ADAMTSL1: variants seen among roughly 807,000 people sequenced by gnomAD.
ADAMTSL1 encodes the protein ADAMTS-like protein 1.
In ADAMTSL1, 126 loss-of-function variants were observed where a neutral mutation model predicts 201.8. The ratio of observed to expected loss-of-function variants is 0.62; its 90% confidence interval spans 0.54 to 0.72. The LOEUF is 0.72. ADAMTSL1 is among the 30% of genes least tolerant of loss of function. ADAMTSL1 has a pLI of 0.00. For missense variants in ADAMTSL1, 2,679 were observed against 2,277.8 expected, an observed-to-expected ratio of 1.18 and a Z score of -3.59; for synonymous variants, 1,121 against 903.4, an observed-to-expected ratio of 1.24 and a Z score of -4.32.
intron 2 of ADAMTSL1, among the ~76,000 whole-genome samples, chr9:18,525,389 C>T (rs1818972291): frequency 6.6e-6 from 1 of 152,136 alleles, no homozygotes; most frequent in Admixed American, 6.5e-5. Context: ...TTTCAAAACA[C>T]CAGCTCCTGG....
chr9:18,386,620 C>G (rs1837803820), intron 2 of ADAMTSL1, among the ~76,000 whole-genome samples: 1 of 152,060 alleles, frequency 6.6e-6, no homozygotes, highest in Non-Finnish European at 1.5e-5. Context: ...GTACCTTTAT[C>G]CAAATTTGCT....
chr9:18,390,214 T>C (rs1837985788), intron 2 of ADAMTSL1, among the ~76,000 whole-genome samples: 1 of 152,102 alleles, frequency 6.6e-6, no homozygotes, highest in Non-Finnish European at 1.5e-5. Context: ...ATTCGTAGTG[T>C]CCATAAGATT....
intron 3 of ADAMTSL1, among the ~76,000 whole-genome samples, chr9:18,539,567 C>G (rs1389669625): frequency 1.3e-5 from 2 of 152,178 alleles, no homozygotes; most frequent in Non-Finnish European, 2.9e-5. Context: ...GTTGAACACT[C>G]TTTGAACTAT....
At chr9:18,272,743 G>T (rs949865892) in intron 2 of ADAMTSL1, among the ~76,000 whole-genome samples, 2 of 152,052 alleles carry the variant, frequency 1.3e-5, no homozygotes, top group African/African-American at 4.8e-5. Flanking sequence ...CACCCTAGAG[G>T]CTCATCTCTC....
intron 2 of ADAMTSL1, among the ~76,000 whole-genome samples, chr9:18,241,575 G>A (rs1343223634): frequency 1.3e-5 from 2 of 151,980 alleles, no homozygotes; most frequent in South Asian, 2.1e-4. Flanking sequence ...TATTGCACAT[G>A]TTTAACATAT....
At chr9:18,678,887 G>T (rs1201179375) in intron 10 of ADAMTSL1, among the ~76,000 whole-genome samples, 1 of 152,136 alleles carries the variant, frequency 6.6e-6, no homozygotes, top group Non-Finnish European at 1.5e-5. Flanking sequence ...ACTCTCTACA[G>T]AGCTACTTCA....
chr9:18,564,428 G>A (rs1435169700), intron 3 of ADAMTSL1, among the ~76,000 whole-genome samples: 3 of 151,828 alleles, frequency 2.0e-5, no homozygotes, highest in Non-Finnish European at 4.4e-5. Context: ...ATCTCGCTGG[G>A]AGCTGCAGAC....
intron 23 of ADAMTSL1, among the ~76,000 whole-genome samples, chr9:18,831,551 A>G (rs567502289): frequency 8.1e-4 from 124 of 152,310 alleles, no homozygotes; most frequent in African/African-American, 2.1e-3. Context: ...TTCTGGAATA[A>G]TATTTTGTTT....
At chr9:18,449,295 A>T (rs937089517) in intron 2 of ADAMTSL1, among the ~76,000 whole-genome samples, 1 of 150,772 alleles carries the variant, frequency 6.6e-6, no homozygotes, top group African/African-American at 2.4e-5. Flanking sequence ...ATAATTATAT[A>T]ATTTATATTT....
At chr9:18,210,694 T>C (rs1238395748) in intron 2 of ADAMTSL1, among the ~76,000 whole-genome samples, 4 of 151,608 alleles carry the variant, frequency 2.6e-5, no homozygotes, top group African/African-American at 4.8e-5. Flanking sequence ...TACAGGGTGG[T>C]AAAACAGCTC....
intron 20 of ADAMTSL1, among the ~76,000 whole-genome samples, chr9:18,805,103 G>A (rs10963771): frequency 0.074 from 11,186 of 152,010 alleles, 536 homozygotes; most frequent in East Asian, 0.21. Context: ...ACTCTAATGG[G>A]GGTCACCCAG....
At chr9:18,516,994 T>C (rs958311325) in intron 2 of ADAMTSL1, among the ~76,000 whole-genome samples, 1 of 152,230 alleles carries the variant, frequency 6.6e-6, no homozygotes, top group Non-Finnish European at 1.5e-5. Flanking sequence ...AATTCATAAA[T>C]TTCTAGCTCA....
chr9:18,778,718 C>A (rs1821210464), intron 19 of ADAMTSL1, among the ~76,000 whole-genome samples: 8 of 152,178 alleles, frequency 5.3e-5, no homozygotes, highest in Admixed American at 5.2e-4. Flanking sequence ...TGTTTTATCT[C>A]ACTGAATAGA....
chr9:18,085,959 G>T (rs918405997), intron 1 of ADAMTSL1, among the ~76,000 whole-genome samples: 3 of 152,166 alleles, frequency 2.0e-5, no homozygotes, highest in African/African-American at 7.2e-5. Context: ...GAAATGGTCA[G>T]ATTATAAGAT....
At chr9:18,543,026 C>T (rs1820244556) in intron 3 of ADAMTSL1, among the ~76,000 whole-genome samples, 1 of 152,182 alleles carries the variant, frequency 6.6e-6, no homozygotes, top group African/African-American at 2.4e-5. Context: ...ACTTTCTATA[C>T]AATGCCCAGT....
chr9:18,285,363 T>C (rs937118841), intron 2 of ADAMTSL1, among the ~76,000 whole-genome samples: 1 of 152,096 alleles, frequency 6.6e-6, no homozygotes, highest in Non-Finnish European at 1.5e-5. Context: ...ATTGTACTGA[T>C]GAGAGTGAGG....
At chr9:18,010,326 CATA>C (rs1214759294) in intron 1 of ADAMTSL1, among the ~76,000 whole-genome samples, 7 of 152,012 alleles carry the variant, frequency 4.6e-5, no homozygotes, top group African/African-American at 1.7e-4. Context: ...TCCACACAGA[CATA>C]ATCACTTACA....
intron 1 of ADAMTSL1, among the ~76,000 whole-genome samples, chr9:18,057,868 C>T (rs1229619910): frequency 6.6e-6 from 1 of 152,212 alleles, no homozygotes; most frequent in Non-Finnish European, 1.5e-5. Context: ...CTTCTTTGAA[C>T]CCCTAGTCTT....
intron 2 of ADAMTSL1, among the ~76,000 whole-genome samples, chr9:18,205,870 A>G (rs903413450): frequency 9.2e-5 from 14 of 151,942 alleles, no homozygotes; most frequent in South Asian, 8.3e-4. Flanking sequence ...CCTGGGCAAC[A>G]TGGTGAAACC....
Sources: allele counts gnomAD v4.1 joint callset (sites outside exome capture counted in the v4.1 genomes callset), GRCh38; gene constraint gnomAD v4.1.1; transcripts MANE v1.5; gene names NCBI Gene and HGNC (gene_info 2026-07-23, HGNC 2026-07-21).